Variants in MYCBPAP observed in about 807,000 individuals in gnomAD.
MYCBPAP encodes the protein MYCBP associated protein.
Under a neutral mutation model 106.1 loss-of-function variants are expected in MYCBPAP, and 60 were observed. The observed-to-expected ratio is 0.57, with a 90% CI of 0.46 to 0.70. The LOEUF is 0.70. Ranked by LOEUF, MYCBPAP falls within the 30% of genes least tolerant of loss-of-function variation. The probability of loss-of-function intolerance (pLI) is 0.00; values close to 1 mark genes in which losing one functional copy is unlikely to be tolerated. For missense variants in MYCBPAP, 1,064 were observed against 1,169.3 expected (o/e 0.91, Z 1.31); for synonymous variants, 407 against 440.6 (o/e 0.92, Z 0.95).
At chr17:50,531,034 C>T (rs1440354926) in intron 18 of MYCBPAP, among the ~76,000 whole-genome samples, 1 of 151,978 alleles carries the variant, frequency 6.6e-6, no homozygotes, top group Non-Finnish European at 1.5e-5. Context: ...CGCCTGTAGT[C>T]CCAGCTACTT....
Sources: allele counts gnomAD v4.1 joint callset (sites outside exome capture counted in the v4.1 genomes callset), GRCh38; gene constraint gnomAD v4.1.1; transcripts MANE v1.5; gene names NCBI Gene and HGNC (gene_info 2026-07-23, HGNC 2026-07-21).